Variants in CNTNAP2 observed in about 807,000 individuals in gnomAD.
CNTNAP2 encodes contactin-associated protein-like 2.
Under a neutral mutation model 155.2 loss-of-function variants are expected in CNTNAP2, and 98 were observed. The ratio of observed to expected loss-of-function variants is 0.63; its 90% CI spans 0.54 to 0.75. The LOEUF is 0.75. CNTNAP2 is among the 30% of genes least tolerant of loss of function. The pLI, the probability that CNTNAP2 is intolerant of heterozygous loss-of-function variation, is 0.00. For synonymous variants in CNTNAP2, 651 were observed against 631.2 expected (o/e 1.03, Z -0.47); for missense variants, 1,727 against 1,688.1 (o/e 1.02, Z -0.40).
intron 23 of CNTNAP2, among the ~76,000 whole-genome samples, chr7:148,412,275 T>TGTAA (rs1334594167): frequency 3.3e-5 from 5 of 152,216 alleles, no homozygotes; most frequent in African/African-American, 9.7e-5. Context: ...AAATAAACAA[T>TGTAA]GTAAGTTCTC....
At chr7:147,120,704 C>T (rs1801090592) in intron 5 of CNTNAP2, among the ~76,000 whole-genome samples, 1 of 151,544 alleles carries the variant, frequency 6.6e-6, no homozygotes, top group Admixed American at 6.6e-5. Flanking sequence ...CATATGTATA[C>T]ATGTGACATG....
At chr7:147,564,165 A>AT (rs1277003774) in intron 12 of CNTNAP2, among the ~76,000 whole-genome samples, 119 of 151,698 alleles carry the variant, frequency 7.8e-4, no homozygotes, top group Non-Finnish European at 1.5e-3. Context: ...GACCTGTCTC[A>AT]ATTTTTTTTT....
intron 3 of CNTNAP2, among the ~76,000 whole-genome samples, chr7:146,907,052 G>A (rs1796148136): frequency 6.6e-6 from 1 of 150,986 alleles, no homozygotes; most frequent in South Asian, 2.1e-4. Context: ...AAGGGTATCA[G>A]CGATGGAAGA....
At chr7:147,821,284 A>G (rs1798356060) in intron 13 of CNTNAP2, among the ~76,000 whole-genome samples, 1 of 152,170 alleles carries the variant, frequency 6.6e-6, no homozygotes, top group Non-Finnish European at 1.5e-5. Context: ...TGAGTGGGCA[A>G]TTCATTGAAA....
chr7:147,392,752 G>T (rs1318162717), intron 9 of CNTNAP2, among the ~76,000 whole-genome samples: 1 of 151,850 alleles, frequency 6.6e-6, no homozygotes, highest in Non-Finnish European at 1.5e-5. Context: ...CATATTCATG[G>T]CAGCACAATT....
intron 1 of CNTNAP2, among the ~76,000 whole-genome samples, chr7:146,710,204 A>G (rs931620588): frequency 6.6e-6 from 1 of 152,198 alleles, no homozygotes. Context: ...GTACAGAACC[A>G]GGACACAAAC....
intron 1 of CNTNAP2, among the ~76,000 whole-genome samples, chr7:146,322,328 C>T (rs762587168): frequency 7.9e-5 from 12 of 152,180 alleles, no homozygotes; most frequent in South Asian, 2.1e-4. Flanking sequence ...GGACAAGGGA[C>T]GGCTAACTCA....
intron 14 of CNTNAP2, among the ~76,000 whole-genome samples, chr7:147,909,192 T>C (rs923661116): frequency 1.3e-5 from 2 of 152,142 alleles, no homozygotes; most frequent in Non-Finnish European, 2.9e-5. Context: ...GACACACATC[T>C]CCAAACACCC....
chr7:146,516,938 T>C (rs573464564), intron 1 of CNTNAP2, among the ~76,000 whole-genome samples: 12 of 152,034 alleles, frequency 7.9e-5, no homozygotes, highest in Non-Finnish European at 1.2e-4. Context: ...AATTGATACA[T>C]ATTACAGTAG....
At chr7:146,416,813 A>ACT (rs1795944380) in intron 1 of CNTNAP2, among the ~76,000 whole-genome samples, 1 of 152,106 alleles carries the variant, frequency 6.6e-6, no homozygotes, top group African/African-American at 2.4e-5. Context: ...TTTACCACTT[A>ACT]TATTTGGTGT....
chr7:148,136,183 T>A (rs1229499315), intron 16 of CNTNAP2, among the ~76,000 whole-genome samples: 1 of 151,700 alleles, frequency 6.6e-6, no homozygotes, highest in African/African-American at 2.4e-5. Context: ...GGAAACCACA[T>A]TGGGAAATCC....
intron 10 of CNTNAP2, among the ~76,000 whole-genome samples, chr7:147,464,518 G>T (rs1281509831): frequency 6.8e-6 from 1 of 146,672 alleles, no homozygotes; most frequent in East Asian, 2.0e-4. Context: ...AGTCCTGACT[G>T]TGTCACAAAT....
chr7:148,097,495 G>C (rs903397110), intron 15 of CNTNAP2, among the ~76,000 whole-genome samples: 4 of 151,808 alleles, frequency 2.6e-5, no homozygotes, highest in Non-Finnish European at 5.9e-5. Flanking sequence ...TCTTTTTTGG[G>C]GGGGCGGGGC....
intron 15 of CNTNAP2, among the ~76,000 whole-genome samples, chr7:148,066,107 G>A (rs1376090295): frequency 6.6e-6 from 1 of 152,174 alleles, no homozygotes; most frequent in African/African-American, 2.4e-5. Context: ...GCTAAAGATA[G>A]GGCCCCAATC....
intron 4 of CNTNAP2, among the ~76,000 whole-genome samples, chr7:147,099,346 C>G (rs1198866841): frequency 2.0e-5 from 3 of 152,188 alleles, no homozygotes; most frequent in Admixed American, 1.3e-4. Context: ...ACCAGTCCCT[C>G]TAGGGTCAGC....
intron 9 of CNTNAP2, among the ~76,000 whole-genome samples, chr7:147,301,430 A>ATG (rs945049935): frequency 1.4e-4 from 22 of 152,194 alleles, no homozygotes; most frequent in African/African-American, 4.6e-4. Context: ...AAATCACGCA[A>ATG]TGTGAGATGT....
Position 146,552,500 on chromosome 7 carries a change from A to T in CNTNAP2, c.98-221771A>T, listed in dbSNP as rs547055889. ...CCATTGGATTTTTCTCACCTGGATT[A>T]TTACGGCACACCTTTAAATTCCTGT... On this transcript the variant is annotated intron_variant, in intron 1 of 23. Coordinates refer to ENST00000361727, the MANE Select transcript of CNTNAP2 (RefSeq NM_014141.6). Among the ~76,000 whole-genome samples, 49 of 152,262 alleles carry T rather than the reference A, an allele frequency of 3.2e-4. No individual in the cohort carries two copies. In the South Asian group the frequency reaches 8.1e-3, roughly 25 times the overall value.
intron 16 of CNTNAP2, among the ~76,000 whole-genome samples, chr7:148,130,850 A>G (rs1804815540): frequency 6.6e-6 from 1 of 152,170 alleles, no homozygotes; most frequent in Admixed American, 6.5e-5. Flanking sequence ...AAAAAATAAG[A>G]CAGAAGACTT....
intron 13 of CNTNAP2, among the ~76,000 whole-genome samples, chr7:147,878,430 A>G (rs1799462084): frequency 8.9e-6 from 1 of 112,356 alleles, no homozygotes; most frequent in Non-Finnish European, 1.7e-5. Context: ...ATTTGATAGT[A>G]ATTTGAATTA....
Sources: gnomAD v4.1 joint callset for allele counts (sites outside exome capture counted in the v4.1 genomes callset) on GRCh38, gnomAD v4.1.1 for gene constraint, MANE v1.5 for transcripts, NCBI Gene and HGNC (gene_info 2026-07-23, HGNC 2026-07-21) for gene names.